DRP2: variants seen among roughly 807,000 people sequenced by gnomAD.
The protein encoded by DRP2 is dystrophin-related protein 2.
Under a neutral mutation model 78.2 loss-of-function variants are expected in DRP2, and 29 were observed. That is an observed-to-expected ratio of 0.37 (90% CI 0.28 to 0.51). DRP2 has a LOEUF of 0.51. Ranked by LOEUF, DRP2 falls within the 20% of genes least tolerant of loss-of-function variation. DRP2 has a pLI of 0.94. For missense variants in DRP2, 686 were observed against 770.6 expected, an observed-to-expected ratio of 0.89 and a Z score of 1.30; for synonymous variants, 290 against 281.9, an observed-to-expected ratio of 1.03 and a Z score of -0.29.
At chrX:101,251,137 A>G in intron 16 of DRP2, 54 bp downstream of exon 16, 1 of 1,068,782 alleles carries the variant, frequency 9.4e-7, no homozygotes, top group Non-Finnish European at 1.3e-6. Flanking sequence ...CATGTGACAT[A>G]TAACTCAGAT....
chrX:101,247,342 T>A (rs1402738790), intron 12 of DRP2, among the ~76,000 whole-genome samples, 178 bp downstream of exon 12: 2 of 111,467 alleles, frequency 1.8e-5, no homozygotes, highest in Non-Finnish European at 3.8e-5. Context: ...TCCCTTCCAC[T>A]CTCGCTAGGC....
In DRP2 at chrX:101,263,688, T is replaced by A. The variant is rs1196352375; in HGVS notation, c.*3067T>A. On this transcript the variant is annotated 3_prime_UTR_variant, in exon 24 of 24. Coordinates refer to ENST00000395209, the MANE Select transcript of DRP2 (RefSeq NM_001939.3). ...AAAGGCTAGAATCAAGAGTTTCAAG[T>A]GCTCATTTTCTTCAAGGTCCAAGGT... 9.0e-6 allele frequency: 1 copy of A among 111,711 alleles called. No individual in the cohort carries two copies. Among genetic ancestry groups the A allele is most frequent in the Non-Finnish European group, 1.9e-5 (1 of 53,128 alleles). The allele number at this position is 111,711 out of a possible 1,213,427, so 9.2% of individuals were successfully genotyped here. A position where few individuals can be genotyped will look rare whatever the true frequency, so the allele number is the denominator to read the frequency against.
Position 101,251,025 on chromosome X carries a change from C to G in DRP2, c.1807C>G (p.Gln603Glu). 1.7e-6 allele frequency: 2 copies of G among 1,211,657 alleles called. No homozygotes were observed. The highest frequency in any genetic ancestry group is 2.2e-6 in the Non-Finnish European group (2 of 895,447). Residue 603 changes from glutamine (Q) to glutamate (E), a missense_variant, in exon 16 of 24, where the codon CAA becomes GAA. Around this residue, in one of 2 missense-constraint regions of DRP2, gnomAD observed 423 missense variants for 531.5 expected, o/e 0.80. Transcript: ENST00000395209. Reference protein sequence around the residue: ...AVLHRVTIAEQVKHQTKCSIC... With the variant: ...AVLHRVTIAEEVKHQTKCSIC... ...TCTGCATCGGGTCACCATTGCTGAG[C>G]AAGTGAAGCATCAGACCAAGTGCTC...
In DRP2 at chrX:101,234,814, G is replaced by T. The variant is rs181937298; in HGVS notation, c.118-1046G>T. ...AATGGGATGATTGGTTTCCTAAATT[G>T]CCTGGAGAGTCTTGTGTGGGAAAGA... On this transcript the variant is annotated intron_variant, in intron 3 of 23. Coordinates refer to ENST00000395209, the MANE Select transcript of DRP2 (RefSeq NM_001939.3). 5.4e-5 allele frequency among the ~76,000 whole-genome samples: 6 copies of T among 110,565 alleles called. No homozygotes were observed. In the East Asian group the frequency reaches 1.7e-3, roughly 32 times the overall value.
intron 13 of DRP2, 40 bp downstream of exon 13, chrX:101,248,330 C>T (rs778528653): frequency 8.5e-7 from 1 of 1,176,279 alleles, no homozygotes; most frequent in Non-Finnish European, 1.2e-6. Context: ...GGATAAAATT[C>T]AATGGGATAT....
intron 3 of DRP2, among the ~76,000 whole-genome samples, chrX:101,235,095 A>G (rs1922448081): frequency 3.6e-5 from 4 of 110,567 alleles, no homozygotes; most frequent in African/African-American, 1.3e-4. Flanking sequence ...GATAACCACC[A>G]TTCCCCCAAA....
At chrX:101,254,402 C>T (rs768817251) in intron 17 of DRP2, 23 bp from the exon 18 acceptor site, 1 of 1,210,721 alleles carries the variant, frequency 8.3e-7, no homozygotes, top group South Asian at 1.8e-5. Flanking sequence ...AGGGTAAGTT[C>T]CTCTGCCCTG....
intron 9 of DRP2, among the ~76,000 whole-genome samples, chrX:101,244,176 C>G (rs750289788): frequency 1.2e-4 from 13 of 111,144 alleles, no homozygotes; most frequent in African/African-American, 3.3e-4. Flanking sequence ...GAAGAGACTA[C>G]TGGGGAGCAA....
At chrX:101,255,139 G>T in intron 19 of DRP2, 45 bp from the exon 20 acceptor site, 3 of 1,173,113 alleles carry the variant, frequency 2.6e-6, no homozygotes, top group Non-Finnish European at 3.5e-6. Flanking sequence ...ATGGAAGCAG[G>T]CCCCACATCC....
chrX:101,245,321 T>C lies in DRP2; in HGVS notation c.1116-67T>C. On this transcript the variant is annotated intron_variant, in intron 10 of 23. Transcript: ENST00000395209. ...CATCCAACCTGTCACTTGAGTGGTG[T>C]GCACATCTGAGTGTGGGGGTGGGTG... is the stretch of plus-strand genomic sequence containing the variant. The C allele has an allele frequency of 3.8e-6, 4 of 1,052,394 alleles. No homozygotes were observed. The South Asian group carries it at 8.1e-5, about 21-fold the overall frequency. 86.7% of individuals were successfully genotyped at this position (1,052,394 alleles called of 1,213,427 possible).
intron 15 of DRP2, 84 bp from the exon 16 acceptor site, chrX:101,250,833 T>C: frequency 1.8e-6 from 2 of 1,129,731 alleles, no homozygotes; most frequent in Non-Finnish European, 2.4e-6. Context: ...CCCTGCTGGT[T>C]CTCCTGCCCC....
Position 101,237,712 on chromosome X carries a change from G to C in DRP2, c.375G>C (p.Leu125Phe), listed in dbSNP as rs1392026858. Residue 125 changes from leucine (L) to phenylalanine (F), a missense_variant, in exon 5 of 24, where the codon TTG becomes TTC. Leu to Phe is a conservative substitution (Grantham distance 22, BLOSUM62 0). Around this residue, in one of 2 missense-constraint regions of DRP2, gnomAD observed 263 missense variants for 239.1 expected, o/e 1.10. Transcript: ENST00000395209. ...IDWLSQKDEE[L>F]SAQLPLQGDV... ...GGCTCAGCCAAAAGGATGAGGAGTTGTCAGCTCAGCTGCCCCTACAGGGGG... is the reference window on the plus strand; with the variant it reads ...GGCTCAGCCAAAAGGATGAGGAGTTCTCAGCTCAGCTGCCCCTACAGGGGG... The C allele has an allele frequency of 1.7e-6, 2 of 1,179,349 alleles. No individual in the cohort carries two copies. Among genetic ancestry groups the C allele is most frequent in the African/African-American group, 1.7e-5 (1 of 57,352 alleles).
At chrX:101,252,467 C>T (rs2147349338) in intron 16 of DRP2, 138 bp from the exon 17 acceptor site, 1 of 463,136 alleles carries the variant, frequency 2.2e-6, no homozygotes, top group Non-Finnish European at 3.9e-6. Flanking sequence ...GCTATGTATA[C>T]GAGGTTGGGC....
intron 2 of DRP2, among the ~76,000 whole-genome samples, chrX:101,230,692 C>G: frequency 9.0e-6 from 1 of 110,802 alleles, no homozygotes. Context: ...CTGCTACACA[C>G]AACAAGGCAC....
At chrX:101,226,667 G>A (rs1420488100) in intron 2 of DRP2, among the ~76,000 whole-genome samples, 3 of 111,430 alleles carry the variant, frequency 2.7e-5, no homozygotes, top group Non-Finnish European at 5.6e-5. Flanking sequence ...CCCTAGGGGA[G>A]GGCAGGGAAG....
intron 3 of DRP2, among the ~76,000 whole-genome samples, chrX:101,235,021 T>C (rs1922445223): frequency 9.0e-6 from 1 of 111,313 alleles, no homozygotes. Context: ...TGCCTGCTCC[T>C]GCCCCCTGGC....
Position 101,241,688 on chromosome X carries a change from A to G in DRP2, c.580A>G (p.Ile194Val), listed in dbSNP as rs1483202192. The change falls in exon 7 of 24, where the codon ATC (isoleucine) becomes GTC (valine). Residue 194 changes from isoleucine to valine, a missense_variant. Transcript: ENST00000395209. ...ESKDTSPKQR[I>V]QNLSRFVWKQ... The stretch of plus-strand genomic sequence containing the variant: ...TGCAGATACCTCCCCGAAACAGCGG[A>G]TCCAGAATCTCAGCCGCTTTGTATG... 5.0e-6 allele frequency: 6 copies of G among 1,209,766 alleles called. No homozygotes were observed. The highest frequency in any genetic ancestry group is 6.7e-6 in the Non-Finnish European group (6 of 895,094).
intron 4 of DRP2, 66 bp from the exon 5 acceptor site, chrX:101,237,553 G>GA (rs907144626): frequency 2.3e-4 from 223 of 971,714 alleles, no homozygotes; most frequent in African/African-American, 3.0e-4. Context: ...ACTTAGTTTG[G>GA]AAAAAAAAAT....
rs1569510198 is a variant in DRP2 at position 101,261,723 on chromosome X, C to A, written c.*1102C>A. ...CACAAATCAGGAAGCTGGCCACTTT[C>A]CACCCAGACAACAACAGCAAGGCCT... On this transcript the variant is annotated 3_prime_UTR_variant, in exon 24 of 24. Coordinates refer to ENST00000395209, the MANE Select transcript of DRP2 (RefSeq NM_001939.3). 1 of 112,523 alleles carries A rather than the reference C, an allele frequency of 8.9e-6. No homozygotes were observed. The highest frequency in any genetic ancestry group is 1.9e-5 in the Non-Finnish European group (1 of 53,265). 9.3% of individuals were successfully genotyped at this position (112,523 alleles called of 1,213,427 possible).
Sources: allele counts gnomAD v4.1 joint callset (sites outside exome capture counted in the v4.1 genomes callset), GRCh38; gene constraint gnomAD v4.1.1; regional missense constraint gnomAD v4.1.1; transcripts MANE v1.5; gene names NCBI Gene and HGNC (gene_info 2026-07-23, HGNC 2026-07-21).